ARHGAP8: variants seen among roughly 807,000 people sequenced by gnomAD.
ARHGAP8 encodes the protein rho GTPase-activating protein 8.
A neutral mutation model predicts 46.1 loss-of-function variants in ARHGAP8; 62 were observed. The observed-to-expected ratio is 1.34, with a 90% confidence interval of 1.10 to 1.66. The LOEUF is 1.66. ARHGAP8 is among the 40% of genes most tolerant of loss of function. ARHGAP8 has a pLI of 0.00. For synonymous variants in ARHGAP8, 375 were observed against 243.1 expected, an observed-to-expected ratio of 1.54 and a Z score of -5.05; for missense variants, 923 against 568.4, an observed-to-expected ratio of 1.62 and a Z score of -6.34.
At chr22:44,763,232 C>T (rs1925279298) in intron 1 of ARHGAP8, among the ~76,000 whole-genome samples, 1 of 151,910 alleles carries the variant, frequency 6.6e-6, no homozygotes, top group African/African-American at 2.4e-5. Flanking sequence ...TGTGGTGGCT[C>T]ACACCTGTAA....
chr22:44,798,451 T>C (rs952025195), intron 2 of ARHGAP8, among the ~76,000 whole-genome samples: 2 of 152,076 alleles, frequency 1.3e-5, no homozygotes, highest in African/African-American at 4.8e-5. Flanking sequence ...CAGGATAATC[T>C]TATCTTGATC....
At chr22:44,779,280 T>A (rs181975435) in intron 1 of ARHGAP8, among the ~76,000 whole-genome samples, 42 of 152,050 alleles carry the variant, frequency 2.8e-4, no homozygotes, top group Middle Eastern at 3.4e-3. Flanking sequence ...TTTGTATTTT[T>A]AGTAGAGATG....
chr22:44,761,020 C>T (rs1925090999), intron 1 of ARHGAP8, among the ~76,000 whole-genome samples: 1 of 152,152 alleles, frequency 6.6e-6, no homozygotes, highest in Admixed American at 6.6e-5. Context: ...GGAGAAAGGG[C>T]CCACTTGTAA....
chr22:44,811,761 T>G (rs1402483096), intron 4 of ARHGAP8, among the ~76,000 whole-genome samples: 1 of 152,134 alleles, frequency 6.6e-6, no homozygotes, highest in Non-Finnish European at 1.5e-5. Context: ...TTTGGGAGTC[T>G]GAGGCGGGTG....
intron 7 of ARHGAP8, among the ~76,000 whole-genome samples, chr22:44,835,379 G>T (rs953242860): frequency 1.3e-5 from 2 of 152,080 alleles, no homozygotes; most frequent in Non-Finnish European, 2.9e-5. Flanking sequence ...CAGCACTTTG[G>T]GAGGCCGAGG....
chr22:44,835,759 A>G (rs1165459684), intron 7 of ARHGAP8, among the ~76,000 whole-genome samples: 2 of 152,218 alleles, frequency 1.3e-5, no homozygotes, highest in Non-Finnish European at 2.9e-5. Flanking sequence ...AAGCAGGACC[A>G]TGTGGCCCTT....
intron 5 of ARHGAP8, among the ~76,000 whole-genome samples, chr22:44,821,568 T>C (rs1053702112): frequency 1.3e-5 from 2 of 152,242 alleles, no homozygotes; most frequent in Non-Finnish European, 2.9e-5. Context: ...AGGCTTCTTA[T>C]AAAGGCGTGC....
intron 4 of ARHGAP8, chr22:44,809,010 G>A (rs1044100251): frequency 3.0e-5 from 13 of 437,338 alleles, no homozygotes; most frequent in African/African-American, 8.2e-5. Context: ...TTGTAGAGAC[G>A]GGGATCTCAC....
At chr22:44,822,512 C>A in intron 6 of ARHGAP8, 43 bp downstream of exon 6, 1 of 1,474,862 alleles carries the variant, frequency 6.8e-7, no homozygotes, top group South Asian at 1.4e-5. Context: ...AATACATCTT[C>A]GTGCTTCCAA....
rs2070558629 is a variant in ARHGAP8 at position 44,862,635 on chromosome 22, C to T, written c.*40C>T. 8 of 1,518,174 alleles carry T rather than the reference C, an allele frequency of 5.3e-6. No individual in the cohort carries two copies. The East Asian group carries it at 9.1e-5, about 17-fold the overall frequency. 94.0% of individuals were successfully genotyped at this position (1,518,174 alleles called of 1,614,324 possible). On this transcript the variant is annotated 3_prime_UTR_variant, in exon 12 of 12. Coordinates refer to ENST00000356099, the MANE Select transcript of ARHGAP8 (RefSeq NM_181335.3). ...TGTATATTTCGAGCTACCTCCCACACCTGTCTGTGCACTTGTATGTTTTGT... is the reference window on the plus strand; with the variant it reads ...TGTATATTTCGAGCTACCTCCCACATCTGTCTGTGCACTTGTATGTTTTGT...
At chr22:44,856,020 G>A (rs2070212150) in intron 10 of ARHGAP8, among the ~76,000 whole-genome samples, 2 of 152,078 alleles carry the variant, frequency 1.3e-5, no homozygotes, top group African/African-American at 4.8e-5. Flanking sequence ...AAGATGGGGT[G>A]AGGTCATGCC....
intron 5 of ARHGAP8, among the ~76,000 whole-genome samples, chr22:44,816,436 C>G (rs1310383503): frequency 1.3e-5 from 2 of 152,192 alleles, no homozygotes; most frequent in African/African-American, 4.8e-5. Context: ...CCCCGTCCCA[C>G]CCTTGTCCCT....
chr22:44,825,568 C>G lies in ARHGAP8; in HGVS notation c.571C>G (p.Gln191Glu). 1.9e-6 allele frequency: 3 copies of G among 1,613,386 alleles called. No individual in the cohort carries two copies. Among genetic ancestry groups the G allele is most frequent in the Non-Finnish European group, 2.5e-6 (3 of 1,179,820 alleles). ...ACCGCCGCGGCCCCCGCTGCCCACA[C>G]AGCAGTTTGGCGTCAGTCTGCAATA... is the stretch of plus-strand genomic sequence containing the variant. ...TPPPRPPLPT[Q>E]QFGVSLQYLK... Residue 191 changes from glutamine (Q) to glutamate (E), a missense_variant, in exon 7 of 12, where the codon CAG becomes GAG. Transcript: ENST00000356099.
chr22:44,815,695 C>T (rs912943033), intron 5 of ARHGAP8, among the ~76,000 whole-genome samples: 17 of 152,164 alleles, frequency 1.1e-4, no homozygotes, highest in African/African-American at 3.9e-4. Flanking sequence ...TAGACTTGTT[C>T]CTGCTAAAGG....
chr22:44,767,236 C>A (rs745343708), intron 1 of ARHGAP8, among the ~76,000 whole-genome samples: 1 of 152,104 alleles, frequency 6.6e-6, no homozygotes, highest in Admixed American at 6.5e-5. Context: ...CCCGCTTTCC[C>A]GTGACTACAG....
At position 44,862,736 on chromosome 22, in the gene ARHGAP8, C is replaced by A. The variant is rs1017181045; in HGVS notation, c.*141C>A. 2 of 1,009,290 alleles carry A rather than the reference C, an allele frequency of 2.0e-6. No homozygotes were observed. Among genetic ancestry groups the A allele is most frequent in the South Asian group, 2.1e-5 (1 of 47,190 alleles). The allele number at this position is 1,009,290 out of a possible 1,614,324, so 62.5% of individuals were successfully genotyped here. On this transcript the variant is annotated 3_prime_UTR_variant, in exon 12 of 12. Coordinates refer to ENST00000356099, the MANE Select transcript of ARHGAP8 (RefSeq NM_181335.3). ...CTAATGAAAACTCCATGCCTCTGGT[C>A]CTTGGACTCTTGTCCATGGTTCCTG...
Position 44,790,731 on chromosome 22 carries a change from C to T in ARHGAP8, c.79+4125C>T, listed in dbSNP as rs545158999. Among the ~76,000 whole-genome samples, 82 of 71,396 alleles carry T rather than the reference C, an allele frequency of 1.1e-3. 1 individual carries two copies. The highest frequency in any genetic ancestry group is 4.1e-3 in the African/African-American group (66 of 16,074). 46.8% of individuals were successfully genotyped at this position (71,396 alleles called of 152,430 possible). On this transcript the variant is annotated intron_variant, in intron 2 of 11. Transcript: ENST00000356099. The stretch of plus-strand genomic sequence containing the variant: ...GGGGAGCCCTGGGAAAGAACCTGGC[C>T]GTTTTTTTTTTTTTTTTTGGAGACG...
chr22:44,778,003 TTTATTTA>T (rs1926549704), intron 1 of ARHGAP8, among the ~76,000 whole-genome samples: 9 of 43,618 alleles, frequency 2.1e-4, no homozygotes, highest in African/African-American at 8.8e-4. Flanking sequence ...GACTATTTTA[TTTATTTA>T]TTTATTTATT....
At position 44,845,349 on chromosome 22, in the gene ARHGAP8, CG is replaced by C; in HGVS notation, c.670+11del. 1 of 1,614,050 alleles carries C rather than the reference CG, an allele frequency of 6.2e-7. No individual in the cohort carries two copies. Among genetic ancestry groups the C allele is most frequent in the Non-Finnish European group, 8.5e-7 (1 of 1,179,996 alleles). ...ACGTACCTGAGAGAGAAAGGTGAGA[CG>C]GGGCCGGCTCCAGCTGGATGACGTG... On this transcript the variant is annotated splice_region_variant and intron_variant, in intron 8 of 11. Coordinates refer to ENST00000356099, the MANE Select transcript of ARHGAP8 (RefSeq NM_181335.3).
Sources: gnomAD v4.1 joint callset for allele counts (sites outside exome capture counted in the v4.1 genomes callset) on GRCh38, gnomAD v4.1.1 for gene constraint, MANE v1.5 for transcripts, NCBI Gene and HGNC (gene_info 2026-07-23, HGNC 2026-07-21) for gene names.